The following AXIN1 variants were observed in gnomAD, a reference collection of about 807,000 sequenced individuals.
AXIN1 encodes axin-1.
AXIN1 carries 30 observed loss-of-function variants against 76.4 expected under a neutral mutation model. That is an observed-to-expected ratio of 0.39 (90% CI 0.29 to 0.53). The LOEUF is 0.53. Among genes scored for constraint, AXIN1 ranks in the 20% least tolerant of loss-of-function variants. The pLI, the probability that AXIN1 is intolerant of heterozygous loss-of-function variation, is 0.66. For missense variants in AXIN1, 1,140 were observed against 1,198.8 expected, an observed-to-expected ratio of 0.95 and a Z score of 0.72; for synonymous variants, 545 against 501.4, an observed-to-expected ratio of 1.09 and a Z score of -1.16.
rs2141678645 is a variant in AXIN1 at position 339,414 on chromosome 16, G to A, written c.878+6734C>T. 1.4e-5 allele frequency among the ~76,000 whole-genome samples: 2 copies of A among 142,022 alleles called. 1 individual carries two copies. The highest frequency in any genetic ancestry group is 7.1e-3 in the Middle Eastern group (2 of 282). The allele number at this position is 142,022 out of a possible 152,430, so 93.2% of individuals were successfully genotyped here. A position where few individuals can be genotyped will look rare whatever the true frequency, so the allele number is the denominator to read the frequency against. On this transcript the variant is annotated intron_variant, in intron 2 of 10. Coordinates refer to ENST00000262320, the MANE Select transcript of AXIN1 (RefSeq NM_003502.4). Reference sequence around the variant, plus strand: ...TAGTCCCAGCTGCTGAGGAGGCTGAGGCAGGAGAAGTGCTTGAACCCAGGA... The same window carrying A: ...TAGTCCCAGCTGCTGAGGAGGCTGAAGCAGGAGAAGTGCTTGAACCCAGGA...
intron 2 of AXIN1, among the ~76,000 whole-genome samples, chr16:331,476 G>A (rs546821074): frequency 8.5e-5 from 13 of 152,080 alleles, no homozygotes; most frequent in Non-Finnish European, 1.6e-4. Flanking sequence ...AACACTCTGA[G>A]GCAGAAATAG....
chr16:319,130 G>A (rs560526831), intron 2 of AXIN1, among the ~76,000 whole-genome samples: 9 of 152,206 alleles, frequency 5.9e-5, no homozygotes, highest in Non-Finnish European at 1.0e-4. Context: ...GGGAGACCCT[G>A]TAGAGCCAGG....
chr16:338,634 C>G (rs932528820), intron 2 of AXIN1, among the ~76,000 whole-genome samples: 3 of 152,218 alleles, frequency 2.0e-5, no homozygotes, highest in Non-Finnish European at 2.9e-5. Flanking sequence ...CATAAAAATA[C>G]AAGATGGACT....
At position 352,365 on chromosome 16, in the gene AXIN1, T is replaced by G. The variant is rs1166731022; in HGVS notation, c.-82+4A>C. On this transcript the variant is annotated splice_donor_region_variant and intron_variant, in intron 1 of 10. Coordinates refer to ENST00000262320, the MANE Select transcript of AXIN1 (RefSeq NM_003502.4). ...AGCCCGCCCCGGAGCCCGGCCCTAC[T>G]CACCCGCGCGCGGTGGTGGCGGGAC... 2.0e-6 allele frequency: 2 copies of G among 977,888 alleles called. No individual in the cohort carries two copies. The highest frequency in any genetic ancestry group is 2.4e-6 in the Non-Finnish European group (2 of 827,286). 60.6% of individuals were successfully genotyped at this position (977,888 alleles called of 1,614,324 possible). A position where few individuals can be genotyped will look rare whatever the true frequency, so the allele number is the denominator to read the frequency against.
At chr16:294,652 G>A (rs1291947829) in intron 7 of AXIN1, among the ~76,000 whole-genome samples, 1 of 150,818 alleles carries the variant, frequency 6.6e-6, no homozygotes, top group African/African-American at 2.4e-5. Flanking sequence ...CTACTCAGGT[G>A]GGTTAGACAG....
intron 5 of AXIN1, among the ~76,000 whole-genome samples, chr16:300,148 G>A (rs2052832928): frequency 6.6e-6 from 1 of 151,824 alleles, no homozygotes; most frequent in Admixed American, 6.6e-5. Flanking sequence ...CACCCTGTTT[G>A]CCAGGCTGGT....
intron 7 of AXIN1, among the ~76,000 whole-genome samples, chr16:295,454 C>T (rs578223456): frequency 7.9e-5 from 12 of 151,750 alleles, no homozygotes; most frequent in African/African-American, 2.9e-4. Flanking sequence ...TCCTAGAGGC[C>T]GGCGGATAGC....
chr16:337,183 A>G, intron 2 of AXIN1, among the ~76,000 whole-genome samples: 1 of 148,190 alleles, frequency 6.7e-6, no homozygotes, highest in Non-Finnish European at 1.5e-5. Context: ...AAAAAGACAC[A>G]TTTACGTGTA....
At chr16:321,083 C>T (rs2053446696) in intron 2 of AXIN1, among the ~76,000 whole-genome samples, 1 of 152,168 alleles carries the variant, frequency 6.6e-6, no homozygotes, top group African/African-American at 2.4e-5. Context: ...TGACGGATGC[C>T]ACCCAGAACA....
At position 332,124 on chromosome 16, in the gene AXIN1, C is replaced by T. The variant is rs112872261; in HGVS notation, c.878+14024G>A. Among the ~76,000 whole-genome samples, 61 of 152,292 alleles carry T rather than the reference C, an allele frequency of 4.0e-4. 1 individual carries two copies. Among genetic ancestry groups the T allele is most frequent in the African/African-American group, 1.4e-3 (58 of 41,534 alleles). Reference sequence around the variant, plus strand: ...TCCACAGGTCGGCAGCCTTCAGCAGCGACAATGGTCCCTGACAGTCCTCTG... The same window carrying T: ...TCCACAGGTCGGCAGCCTTCAGCAGTGACAATGGTCCCTGACAGTCCTCTG... On this transcript the variant is annotated intron_variant, in intron 2 of 10. Coordinates refer to ENST00000262320, the MANE Select transcript of AXIN1 (RefSeq NM_003502.4).
chr16:330,717 A>C (rs149510515), intron 2 of AXIN1, among the ~76,000 whole-genome samples: 153 of 152,326 alleles, frequency 1.0e-3, no homozygotes, highest in Non-Finnish European at 2.6e-4. Flanking sequence ...GTAACATTTA[A>C]AAAGTAGAAC....
chr16:324,750 G>C (rs1275664761), intron 2 of AXIN1, among the ~76,000 whole-genome samples: 2 of 152,100 alleles, frequency 1.3e-5, no homozygotes, highest in East Asian at 3.9e-4. Flanking sequence ...TGCCATCAGC[G>C]ACCTGCATCC....
intron 2 of AXIN1, among the ~76,000 whole-genome samples, chr16:339,665 G>A (rs1237261630): frequency 6.6e-5 from 10 of 151,444 alleles, no homozygotes; most frequent in African/African-American, 2.4e-4. Context: ...CTGTGTGACA[G>A]AGCAAGACTG....
chr16:346,073 T>G (rs540711438), intron 2 of AXIN1, 75 bp downstream of exon 2: 119 of 1,500,670 alleles, frequency 7.9e-5, no homozygotes, highest in Admixed American at 1.4e-4. Context: ...GCCCGCCTCA[T>G]CAGCACCTTT....
At chr16:302,911 G>C (rs1436035214) in intron 5 of AXIN1, among the ~76,000 whole-genome samples, 1 of 152,144 alleles carries the variant, frequency 6.6e-6, no homozygotes, top group Non-Finnish European at 1.5e-5. Context: ...ACCCAGGCTG[G>C]AGTGCAGTGG....
At chr16:306,157 CCACACACACGTA>C (rs1275862695) in intron 4 of AXIN1, among the ~76,000 whole-genome samples, 2 of 151,926 alleles carry the variant, frequency 1.3e-5, no homozygotes, top group South Asian at 2.1e-4. Context: ...GCACACACAC[CCACACACACGTA>C]CACACACACG....
intron 3 of AXIN1, among the ~76,000 whole-genome samples, chr16:313,458 GC>G (rs2141587900): frequency 6.6e-6 from 1 of 152,384 alleles, no homozygotes; most frequent in East Asian, 1.9e-4. Context: ...ACCCAGCTAA[GC>G]GGGAAAGACA....
At chr16:336,595 G>A (rs2141671271) in intron 2 of AXIN1, among the ~76,000 whole-genome samples, 1 of 152,224 alleles carries the variant, frequency 6.6e-6, no homozygotes, top group East Asian at 1.9e-4. Context: ...GCCAATGCGG[G>A]CAGATCACGA....
chr16:344,155 G>A (rs544002868), intron 2 of AXIN1, among the ~76,000 whole-genome samples: 28 of 152,082 alleles, frequency 1.8e-4, no homozygotes, highest in Middle Eastern at 3.4e-3. Flanking sequence ...AAAAAAGGCC[G>A]GGCGTGGTGG....
Sources: allele counts gnomAD v4.1 joint callset (sites outside exome capture counted in the v4.1 genomes callset), GRCh38; gene constraint gnomAD v4.1.1; transcripts MANE v1.5; gene names NCBI Gene and HGNC (gene_info 2026-07-23, HGNC 2026-07-21).